HSD17B3: variants seen among roughly 807,000 people sequenced by gnomAD.
HSD17B3 encodes 17-beta-hydroxysteroid dehydrogenase type 3.
Under a neutral mutation model 41.1 loss-of-function variants are expected in HSD17B3, and 29 were observed. The observed-to-expected ratio is 0.71, with a 90% CI of 0.53 to 0.96. The LOEUF is 0.96. Ranked by LOEUF, HSD17B3 falls within the 40% of genes least tolerant of loss-of-function variation. The pLI, the probability that HSD17B3 is intolerant of heterozygous loss-of-function variation, is 0.00. For missense variants in HSD17B3, 323 were observed against 374.6 expected (o/e 0.86, Z 1.14); for synonymous variants, 126 against 145.6 (o/e 0.87, Z 0.97).
At position 96,301,944 on chromosome 9, in the gene HSD17B3, C is replaced by T. The variant is rs1258389177; in HGVS notation, c.154+7G>A. The T allele has an allele frequency of 6.2e-7, 1 of 1,613,824 alleles. No homozygotes were observed. The highest frequency in any genetic ancestry group is 1.7e-5 in the Admixed American group (1 of 60,002). ...GCAAAAAAACATGAGATGGAACACT[C>T]CCTTACCTGCCCACTGTCCCATTGA... is the stretch of plus-strand genomic sequence containing the variant. On this transcript the variant is annotated splice_region_variant and intron_variant, in intron 1 of 10. Coordinates refer to ENST00000375263, the MANE Select transcript of HSD17B3 (RefSeq NM_000197.2).
chr9:96,295,708 A>G (rs1827334300), intron 2 of HSD17B3, among the ~76,000 whole-genome samples: 1 of 152,170 alleles, frequency 6.6e-6, no homozygotes. Flanking sequence ...TGCGTCCCAG[A>G]TGCCTTGCAC....
intron 2 of HSD17B3, among the ~76,000 whole-genome samples, chr9:96,268,898 G>A (rs537515184): frequency 3.4e-4 from 52 of 152,174 alleles, no homozygotes; most frequent in African/African-American, 1.2e-3. Context: ...GCAGTGAGCC[G>A]AGATCGTGGC....
chr9:96,292,127 CAGAA>C (rs2130791866), intron 2 of HSD17B3, among the ~76,000 whole-genome samples: 1 of 151,372 alleles, frequency 6.6e-6, no homozygotes, highest in Non-Finnish European at 1.5e-5. Flanking sequence ...GGCTCAGTAG[CAGAA>C]AGAGTGGGAC....
At chr9:96,298,147 C>T (rs1415647092) in intron 2 of HSD17B3, among the ~76,000 whole-genome samples, 1 of 152,074 alleles carries the variant, frequency 6.6e-6, no homozygotes, top group African/African-American at 2.4e-5. Context: ...GCTGATATGG[C>T]ACAATTACAC....
intron 9 of HSD17B3, among the ~76,000 whole-genome samples, chr9:96,243,726 C>T (rs1836542298): frequency 6.6e-6 from 1 of 152,216 alleles, no homozygotes; most frequent in Non-Finnish European, 1.5e-5. Flanking sequence ...GCTCAGCCTG[C>T]AGCAGGCAGT....
intron 2 of HSD17B3, among the ~76,000 whole-genome samples, chr9:96,297,062 G>A (rs1304975075): frequency 1.3e-5 from 2 of 150,574 alleles, no homozygotes; most frequent in Admixed American, 6.6e-5. Flanking sequence ...TTTGACATAA[G>A]AAAATGCTCA....
At chr9:96,280,833 G>A (rs531815129) in intron 2 of HSD17B3, among the ~76,000 whole-genome samples, 8 of 152,214 alleles carry the variant, frequency 5.3e-5, no homozygotes, top group South Asian at 2.1e-4. Flanking sequence ...CCAATATGGC[G>A]AGGAGAGTGA....
chr9:96,272,005 T>A (rs923797143), intron 2 of HSD17B3, among the ~76,000 whole-genome samples: 1 of 152,050 alleles, frequency 6.6e-6, no homozygotes, highest in African/African-American at 2.4e-5. Flanking sequence ...CTTTTATTTT[T>A]AACAGGAGTT....
intron 8 of HSD17B3, among the ~76,000 whole-genome samples, chr9:96,244,677 G>A (rs1374233385): frequency 6.6e-6 from 1 of 151,978 alleles, no homozygotes; most frequent in Non-Finnish European, 1.5e-5. Context: ...AAAAAAACCG[G>A]TAAGTATGTG....
intron 4 of HSD17B3, among the ~76,000 whole-genome samples, chr9:96,252,415 C>T (rs977887828): frequency 1.3e-5 from 2 of 151,656 alleles, no homozygotes; most frequent in African/African-American, 2.4e-5. Context: ...TGGTAGCAGG[C>T]GCCTGTAGTC....
chr9:96,251,108 ATGTGTT>A, intron 5 of HSD17B3: 1 of 384,620 alleles, frequency 2.6e-6, no homozygotes, highest in Non-Finnish European at 4.8e-6. Flanking sequence ...ACAGCTGCGA[ATGTGTT>A]AGGCAGAATT....
chr9:96,269,174 T>C (rs1251809947), intron 2 of HSD17B3, among the ~76,000 whole-genome samples: 1 of 152,154 alleles, frequency 6.6e-6, no homozygotes, highest in Non-Finnish European at 1.5e-5. Flanking sequence ...GTACTGAATA[T>C]AGTAGGCAGC....
intron 7 of HSD17B3, 122 bp downstream of exon 7, chr9:96,246,434 T>C: frequency 1.2e-6 from 1 of 857,040 alleles, no homozygotes; most frequent in Non-Finnish European, 2.0e-6. Context: ...TGTGCTTTCA[T>C]CATAGCTGTT....
At chr9:96,272,424 T>TATATATAAA (rs1826290043) in intron 2 of HSD17B3, among the ~76,000 whole-genome samples, 1 of 90,026 alleles carries the variant, frequency 1.1e-5, no homozygotes, top group African/African-American at 3.9e-5. Flanking sequence ...TATATATATA[T>TATATATAAA]ATATATATAT....
At chr9:96,251,281 G>A (rs1836892433) in intron 5 of HSD17B3, 137 bp downstream of exon 5, 1 of 695,848 alleles carries the variant, frequency 1.4e-6, no homozygotes, top group South Asian at 1.6e-5. Context: ...AGAGGAAAGG[G>A]GGCCTCAATA....
chr9:96,241,048 G>T, intron 9 of HSD17B3, 141 bp from the exon 10 acceptor site: 1 of 993,072 alleles, frequency 1.0e-6, no homozygotes, highest in Non-Finnish European at 1.5e-6. Flanking sequence ...AGTGGAAAAA[G>T]GCACAGTACC....
chr9:96,301,966 T>A lies in HSD17B3; in HGVS notation c.139A>T (p.Met47Leu), dbSNP rs191153391. 9 of 1,613,920 alleles carry A rather than the reference T, an allele frequency of 5.6e-6. No individual in the cohort carries two copies. Among genetic ancestry groups the A allele is most frequent in the Non-Finnish European group, 7.6e-6 (9 of 1,180,006 alleles). ...KVLPKSFLRS[M>L]GQWAVITGAG... ...ACTCCCTTACCTGCCCACTGTCCCA[T>A]TGACCGCAAGAAAGACTTTGGCAAA... The change falls in exon 1 of 11, where the codon ATG (methionine) becomes TTG (leucine). Residue 47 changes from methionine (M) to leucine (L), a missense_variant. Coordinates refer to ENST00000375263, the MANE Select transcript of HSD17B3 (RefSeq NM_000197.2).
chr9:96,245,325 G>A lies in HSD17B3; in HGVS notation c.606+20C>T, dbSNP rs1193845812. ...ATAAGAGGAAGAAGGAAGAGACTTG[G>A]AAGTCATGACATCACTCACCTTGGA... On this transcript the variant is annotated intron_variant, in intron 8 of 10. Coordinates refer to ENST00000375263, the MANE Select transcript of HSD17B3 (RefSeq NM_000197.2). 1.3e-6 allele frequency: 2 copies of A among 1,573,750 alleles called. No individual in the cohort carries two copies. Among genetic ancestry groups the A allele is most frequent in the Admixed American group, 3.3e-5 (2 of 59,970 alleles).
At chr9:96,261,388 G>A (rs955298422) in intron 2 of HSD17B3, among the ~76,000 whole-genome samples, 2 of 152,196 alleles carry the variant, frequency 1.3e-5, no homozygotes, top group Admixed American at 1.3e-4. Flanking sequence ...TGGAGACGGG[G>A]TTTCGCCGTG....
Sources: gnomAD v4.1 joint callset for allele counts (sites outside exome capture counted in the v4.1 genomes callset) on GRCh38, gnomAD v4.1.1 for gene constraint, MANE v1.5 for transcripts, NCBI Gene and HGNC (gene_info 2026-07-23, HGNC 2026-07-21) for gene names.